Variants in ATP5PB observed in about 807,000 individuals in gnomAD.
The protein encoded by ATP5PB is ATP synthase peripheral stalk-membrane subunit b.
Under a neutral mutation model 34.5 loss-of-function variants are expected in ATP5PB, and 21 were observed. That is an observed-to-expected ratio of 0.61 (90% CI 0.43 to 0.88). The LOEUF is 0.88. ATP5PB is among the 40% of genes least tolerant of loss of function. The probability of loss-of-function intolerance (pLI) is 0.00; values close to 1 mark genes in which losing one functional copy is unlikely to be tolerated. For synonymous variants in ATP5PB, 108 were observed against 114.1 expected, an observed-to-expected ratio of 0.95 and a Z score of 0.34; for missense variants, 293 against 317.4, an observed-to-expected ratio of 0.92 and a Z score of 0.58.
chr1:111,451,643 G>A (rs907588351), intron 2 of ATP5PB, among the ~76,000 whole-genome samples: 9 of 152,136 alleles, frequency 5.9e-5, no homozygotes, highest in Non-Finnish European at 1.2e-4. Flanking sequence ...AGGCTAATTG[G>A]TCTTGGTAGT....
At chr1:111,452,570 C>CA (rs1185118931) in intron 2 of ATP5PB, among the ~76,000 whole-genome samples, 4 of 150,520 alleles carry the variant, frequency 2.7e-5, no homozygotes, top group Non-Finnish European at 5.9e-5. Context: ...GATTCTGTCT[C>CA]AAAAAAATAA....
intron 6 of ATP5PB, 84 bp downstream of exon 6, chr1:111,459,720 C>A: frequency 2.1e-6 from 3 of 1,430,960 alleles, no homozygotes; most frequent in Admixed American, 2.2e-5. Context: ...GTAGGAATAG[C>A]TGGCAAGGAG....
At chr1:111,453,590 A>G (rs1318715520) in intron 2 of ATP5PB, among the ~76,000 whole-genome samples, 1 of 152,160 alleles carries the variant, frequency 6.6e-6, no homozygotes, top group Admixed American at 6.5e-5. Context: ...AATTAGAGCT[A>G]CCCAGTACTG....
chr1:111,452,918 G>A (rs1653374223), intron 2 of ATP5PB, among the ~76,000 whole-genome samples: 1 of 152,196 alleles, frequency 6.6e-6, no homozygotes, highest in Non-Finnish European at 1.5e-5. Flanking sequence ...CGGTAGTGCT[G>A]AATTGAGAAA....
intron 6 of ATP5PB, among the ~76,000 whole-genome samples, chr1:111,460,511 A>C (rs1350803167): frequency 6.6e-6 from 1 of 151,962 alleles, no homozygotes; most frequent in Non-Finnish European, 1.5e-5. Context: ...GAAAATACAA[A>C]AGAAGTCTAG....
At chr1:111,449,627 G>T in intron 1 of ATP5PB, 46 bp downstream of exon 1, 1 of 1,567,886 alleles carries the variant, frequency 6.4e-7, no homozygotes. Context: ...TGATTGGAAA[G>T]AAGCGAATCT....
Position 111,454,296 on chromosome 1 carries a change from C to G in ATP5PB, c.163C>G (p.Arg55Gly). 6.2e-7 allele frequency: 1 copy of G among 1,613,196 alleles called. No individual in the cohort carries two copies. Among genetic ancestry groups the G allele is most frequent in the Non-Finnish European group, 8.5e-7 (1 of 1,179,726 alleles). The change falls in exon 3 of 7, where the codon CGT becomes GGT. Residue 55 changes from arginine (R) to glycine (G), a missense_variant. By Grantham distance (125) the Arg-to-Gly change is moderately radical. Coordinates refer to ENST00000369722, the MANE Select transcript of ATP5PB (RefSeq NM_001688.5). ...PPLPEYGGKV[R>G]YGLIPEEFFQ... ...TCTTCCTGAATACGGAGGAAAAGTTCGTTATGGACTGATCCCTGAGGAATT... is the reference window on the plus strand; with the variant it reads ...TCTTCCTGAATACGGAGGAAAAGTTGGTTATGGACTGATCCCTGAGGAATT...
rs1653659474 is a variant in ATP5PB, at chr1:111,462,738, T to C, written c.*1744T>C. ...AAAGATAATTTGATTGGATCAGCAG[T>C]TATTTCAAATTGATTAAACAAAAAA... On this transcript the variant is annotated 3_prime_UTR_variant, in exon 7 of 7. Coordinates refer to ENST00000369722, the MANE Select transcript of ATP5PB (RefSeq NM_001688.5). 1 of 152,262 alleles carries C rather than the reference T, an allele frequency of 6.6e-6. No homozygotes were observed. Among genetic ancestry groups the C allele is most frequent in the African/African-American group, 2.4e-5 (1 of 41,460 alleles). The allele number at this position is 152,262 out of a possible 1,614,324, so 9.4% of individuals were successfully genotyped here.
chr1:111,451,487 C>G (rs544121345), intron 2 of ATP5PB, among the ~76,000 whole-genome samples: 1 of 152,302 alleles, frequency 6.6e-6, no homozygotes, highest in East Asian at 1.9e-4. Flanking sequence ...CCTTCCCATA[C>G]CCCCACTAGA....
chr1:111,454,577 G>A (rs1271337495), intron 3 of ATP5PB, among the ~76,000 whole-genome samples: 2 of 151,880 alleles, frequency 1.3e-5, no homozygotes, highest in Admixed American at 1.3e-4. Flanking sequence ...TCAGCCTCCC[G>A]AGTAGCTGGG....
intron 2 of ATP5PB, among the ~76,000 whole-genome samples, chr1:111,452,646 C>G (rs1375816076): frequency 6.6e-6 from 1 of 152,192 alleles, no homozygotes; most frequent in Non-Finnish European, 1.5e-5. Context: ...AGGACTTGAA[C>G]TAAGGTAGCT....
chr1:111,461,911 A>G lies in ATP5PB; in HGVS notation c.*917A>G, dbSNP rs906571207. 6.6e-6 allele frequency: 1 copy of G among 152,170 alleles called. No homozygotes were observed. Among genetic ancestry groups the G allele is most frequent in the East Asian group, 1.9e-4 (1 of 5,196 alleles). The allele number at this position is 152,170 out of a possible 1,614,324, so 9.4% of individuals were successfully genotyped here. A position where few individuals can be genotyped will look rare whatever the true frequency, so the allele number is the denominator to read the frequency against. On this transcript the variant is annotated 3_prime_UTR_variant, in exon 7 of 7. Transcript: ENST00000369722. ...CCTCGACTCCATCTAGAAAAAAAAA[A>G]AAAAAAATCCAGCAGACACCTATCA...
At chr1:111,453,326 T>C (rs537978697) in intron 2 of ATP5PB, among the ~76,000 whole-genome samples, 144 of 152,040 alleles carry the variant, frequency 9.5e-4, no homozygotes, top group Non-Finnish European at 1.6e-3. Context: ...AATAGTAAGT[T>C]CTCAATAAGT....
intron 5 of ATP5PB, among the ~76,000 whole-genome samples, chr1:111,458,120 C>T (rs1344475783): frequency 1.3e-5 from 2 of 152,134 alleles, no homozygotes; most frequent in Admixed American, 6.5e-5. Context: ...TATTTTCTAG[C>T]CAGCCTTTGG....
At chr1:111,450,337 T>C (rs1053627458) in intron 2 of ATP5PB, among the ~76,000 whole-genome samples, 2 of 152,244 alleles carry the variant, frequency 1.3e-5, no homozygotes, top group Non-Finnish European at 2.9e-5. Context: ...ATATTTATGT[T>C]GCCTAAAAAC....
chr1:111,451,432 A>G (rs191109672), intron 2 of ATP5PB, among the ~76,000 whole-genome samples: 25 of 152,244 alleles, frequency 1.6e-4, no homozygotes, highest in African/African-American at 6.0e-4. Context: ...TTTTCTCCAT[A>G]GCACTTAGAG....
At chr1:111,460,127 G>T (rs899053017) in intron 6 of ATP5PB, among the ~76,000 whole-genome samples, 1 of 152,132 alleles carries the variant, frequency 6.6e-6, no homozygotes, top group African/African-American at 2.4e-5. Flanking sequence ...TTGCAGTATT[G>T]CACTCCAGCC....
Position 111,462,469 on chromosome 1 carries a change from GTAGA to G in ATP5PB, c.*1478_*1481del, listed in dbSNP as rs1653649981. The G allele has an allele frequency of 1.3e-5, 2 of 152,136 alleles. No individual in the cohort carries two copies. Among genetic ancestry groups the G allele is most frequent in the South Asian group, 4.1e-4 (2 of 4,832 alleles). The allele number at this position is 152,136 out of a possible 1,614,324, so 9.4% of individuals were successfully genotyped here. ...TTTTTTTAAATTGAAGAAAAATCCT[GTAGA>G]TAAATTAGAAAATTCTTCCCTTCAT... On this transcript the variant is annotated 3_prime_UTR_variant, in exon 7 of 7. Coordinates refer to ENST00000369722, the MANE Select transcript of ATP5PB (RefSeq NM_001688.5).
chr1:111,456,015 G>A (rs1653462344), intron 3 of ATP5PB, 71 bp from the exon 4 acceptor site: 1 of 1,300,394 alleles, frequency 7.7e-7, no homozygotes. Flanking sequence ...ATCAAATATA[G>A]AAGTACCTTT....
Sources: gnomAD v4.1 joint callset for allele counts (sites outside exome capture counted in the v4.1 genomes callset) on GRCh38, gnomAD v4.1.1 for gene constraint, MANE v1.5 for transcripts, NCBI Gene and HGNC (gene_info 2026-07-23, HGNC 2026-07-21) for gene names.